Variants in BANK1 observed in about 807,000 individuals in gnomAD.
BANK1 encodes B-cell scaffold protein with ankyrin repeats.
In BANK1, 95 loss-of-function variants were observed where a neutral mutation model predicts 94.5. The ratio of observed to expected loss-of-function variants is 1.00; its 90% confidence interval spans 0.85 to 1.19. BANK1 has a LOEUF of 1.19. Among genes scored for constraint, BANK1 ranks in the 50% most tolerant of loss-of-function variants. The pLI is 0.00. For missense variants in BANK1, 987 were observed against 932.2 expected, an observed-to-expected ratio of 1.06 and a Z score of -0.77; for synonymous variants, 334 against 308.4, an observed-to-expected ratio of 1.08 and a Z score of -0.87.
chr4:101,828,532 A>G (rs1726468342), intron 1 of BANK1, among the ~76,000 whole-genome samples: 1 of 151,866 alleles, frequency 6.6e-6, no homozygotes. Flanking sequence ...CTGTGAATCA[A>G]GTTTTCTGCT....
At chr4:102,039,175 A>G (rs75946308) in intron 10 of BANK1, among the ~76,000 whole-genome samples, 3,167 of 152,244 alleles carry the variant, frequency 0.021, 125 homozygotes, top group African/African-American at 0.073. Context: ...AGATTTTTAT[A>G]CTATGTGGCT....
chr4:101,860,105 T>C (rs1274502378), intron 3 of BANK1, among the ~76,000 whole-genome samples: 1 of 152,096 alleles, frequency 6.6e-6, no homozygotes, highest in African/African-American at 2.4e-5. Flanking sequence ...AATATGGGGA[T>C]ATAGAAGGAG....
chr4:101,867,984 G>A (rs904103603), intron 4 of BANK1, among the ~76,000 whole-genome samples: 1 of 151,640 alleles, frequency 6.6e-6, no homozygotes, highest in Non-Finnish European at 1.5e-5. Context: ...TAAGTTTAGT[G>A]AATAGTCTAA....
At chr4:102,030,470 A>G (rs1249084731) in intron 10 of BANK1, among the ~76,000 whole-genome samples, 1 of 151,588 alleles carries the variant, frequency 6.6e-6, no homozygotes, top group African/African-American at 2.4e-5. Context: ...GTTCTGGGGT[A>G]CATGTGCAGA....
intron 1 of BANK1, among the ~76,000 whole-genome samples, chr4:101,815,567 C>T (rs1198527413): frequency 6.6e-6 from 1 of 152,002 alleles, no homozygotes; most frequent in Non-Finnish European, 1.5e-5. Flanking sequence ...ATTCTATTTT[C>T]AAATCAGAGA....
At chr4:102,018,334 T>C (rs1726783735) in intron 7 of BANK1, among the ~76,000 whole-genome samples, 1 of 152,246 alleles carries the variant, frequency 6.6e-6, no homozygotes, top group Non-Finnish European at 1.5e-5. Flanking sequence ...TTCAATGTGC[T>C]TTATAAAAGC....
intron 3 of BANK1, among the ~76,000 whole-genome samples, chr4:101,861,179 G>T (rs1300373423): frequency 1.3e-5 from 2 of 151,740 alleles, no homozygotes; most frequent in Non-Finnish European, 3.0e-5. Flanking sequence ...GAGAAATTTA[G>T]TTTTCCCTGT....
At chr4:101,825,888 A>T (rs1486920473) in intron 1 of BANK1, among the ~76,000 whole-genome samples, 1 of 152,042 alleles carries the variant, frequency 6.6e-6, no homozygotes, top group Non-Finnish European at 1.5e-5. Context: ...GTATTGAGAA[A>T]GACTACCTGT....
intron 2 of BANK1, among the ~76,000 whole-genome samples, chr4:101,839,962 T>A (rs1450505794): frequency 0.014 from 982 of 72,624 alleles, 59 homozygotes; most frequent in African/African-American, 0.049. Flanking sequence ...TTTTTTTTTT[T>A]TTTTTTTTTT....
intron 7 of BANK1, among the ~76,000 whole-genome samples, chr4:101,930,511 A>G (rs1428958894): frequency 6.6e-6 from 1 of 151,438 alleles, no homozygotes; most frequent in Non-Finnish European, 1.5e-5. Context: ...CTTTACCCCC[A>G]TAGCCATTCG....
At chr4:101,832,957 A>G (rs1726679359) in intron 2 of BANK1, among the ~76,000 whole-genome samples, 1 of 137,214 alleles carries the variant, frequency 7.3e-6, no homozygotes, top group Non-Finnish European at 1.5e-5. Flanking sequence ...GTATCTTTAT[A>G]TAGATTCTAT....
At chr4:101,900,820 G>A (rs1033921344) in intron 6 of BANK1, among the ~76,000 whole-genome samples, 1 of 152,086 alleles carries the variant, frequency 6.6e-6, no homozygotes, top group African/African-American at 2.4e-5. Context: ...CAAACACCCA[G>A]GAAGGAGCTC....
At chr4:102,071,547 G>C (rs1728763592) in intron 14 of BANK1, among the ~76,000 whole-genome samples, 1 of 152,186 alleles carries the variant, frequency 6.6e-6, no homozygotes, top group South Asian at 2.1e-4. Flanking sequence ...GATTGATCCT[G>C]CTGTTCTCAA....
At chr4:101,811,619 C>T (rs1725733033) in intron 1 of BANK1, among the ~76,000 whole-genome samples, 1 of 152,050 alleles carries the variant, frequency 6.6e-6, no homozygotes, top group Admixed American at 6.6e-5. Context: ...TGTACCCATT[C>T]ATTCATGATA....
intron 11 of BANK1, among the ~76,000 whole-genome samples, chr4:102,051,335 T>C (rs1331077048): frequency 6.6e-6 from 1 of 152,220 alleles, no homozygotes; most frequent in African/African-American, 2.4e-5. Flanking sequence ...ATTTGTCATA[T>C]TGCTCACAAA....
At chr4:102,050,512 C>T (rs1411261372) in intron 11 of BANK1, among the ~76,000 whole-genome samples, 1 of 152,158 alleles carries the variant, frequency 6.6e-6, no homozygotes, top group East Asian at 1.9e-4. Flanking sequence ...AAAAATCCCA[C>T]CAAAAGAAAC....
intron 5 of BANK1, among the ~76,000 whole-genome samples, chr4:101,876,333 C>G (rs1023097844): frequency 1.3e-5 from 2 of 152,096 alleles, no homozygotes; most frequent in African/African-American, 4.8e-5. Context: ...CTTGTCTATC[C>G]CCAGGTCCAG....
chr4:102,021,512 A>G lies in BANK1; in HGVS notation c.1207-2A>G. ...TATTATTAAAAATTACATTTTTTTC[A>G]GATCCAAGAAATTGACATAAATAAT... On this transcript the variant is annotated splice_acceptor_variant, in intron 7 of 16. Transcript: ENST00000322953. LOFTEE classifies it high-confidence loss of function. 1.4e-6 allele frequency: 2 copies of G among 1,391,930 alleles called. No individual in the cohort carries two copies. The highest frequency in any genetic ancestry group is 2.0e-6 in the Non-Finnish European group (2 of 1,022,614). 86.2% of individuals were successfully genotyped at this position (1,391,930 alleles called of 1,614,324 possible). A position where few individuals can be genotyped will look rare whatever the true frequency, so the allele number is the denominator to read the frequency against.
intron 7 of BANK1, among the ~76,000 whole-genome samples, chr4:101,962,615 A>AT (rs2148919534): frequency 6.6e-6 from 1 of 152,126 alleles, no homozygotes; most frequent in East Asian, 1.9e-4. Flanking sequence ...TAGTTCTGCT[A>AT]TTTTCCCTGT....
Sources: allele counts gnomAD v4.1 joint callset (sites outside exome capture counted in the v4.1 genomes callset), GRCh38; gene constraint gnomAD v4.1.1; transcripts MANE v1.5; gene names NCBI Gene and HGNC (gene_info 2026-07-23, HGNC 2026-07-21).